TAFA1: variants seen among roughly 807,000 people sequenced by gnomAD.
TAFA1 encodes TAFA chemokine like family member 1.
Under a neutral mutation model 18.5 loss-of-function variants are expected in TAFA1, and 4 were observed. That is an observed-to-expected ratio of 0.22 (90% CI 0.11 to 0.49). The LOEUF (loss-of-function observed/expected upper bound fraction) is 0.49, where lower values mean the gene tolerates loss of function less well. TAFA1 is among the 20% of genes least tolerant of loss of function. TAFA1 has a pLI of 0.98. For missense variants in TAFA1, 147 were observed against 169.0 expected, an observed-to-expected ratio of 0.87 and a Z score of 0.72; for synonymous variants, 56 against 55.2, an observed-to-expected ratio of 1.01 and a Z score of -0.06.
chr3:68,424,288 G>C (rs1248338827), intron 3 of TAFA1, among the ~76,000 whole-genome samples: 1 of 151,872 alleles, frequency 6.6e-6, no homozygotes, highest in African/African-American at 2.4e-5. Flanking sequence ...CAGACAGTGA[G>C]AGAAAGAAAC....
intron 2 of TAFA1, among the ~76,000 whole-genome samples, chr3:68,236,536 G>A (rs2066929179): frequency 6.6e-6 from 1 of 152,154 alleles, no homozygotes; most frequent in African/African-American, 2.4e-5. Context: ...CTAATGAACT[G>A]AACCTATTCA....
At chr3:68,310,265 A>ACC (rs2068492287) in intron 2 of TAFA1, among the ~76,000 whole-genome samples, 3 of 152,180 alleles carry the variant, frequency 2.0e-5, no homozygotes, top group Non-Finnish European at 2.9e-5. Context: ...TGGAGATCTT[A>ACC]AGTAGTTTTT....
chr3:68,326,910 A>G (rs2068784939), intron 2 of TAFA1, among the ~76,000 whole-genome samples: 1 of 152,156 alleles, frequency 6.6e-6, no homozygotes, highest in Non-Finnish European at 1.5e-5. Flanking sequence ...TAGATTATAG[A>G]TTAGATTGCT....
At chr3:68,262,307 GTATATATATATATATA>G (rs763753757) in intron 2 of TAFA1, among the ~76,000 whole-genome samples, 359 of 32,236 alleles carry the variant, frequency 0.011, 6 homozygotes, top group East Asian at 0.034. Context: ...GATATGGAGG[GTATATATATATATATA>G]TATATATATA....
intron 3 of TAFA1, among the ~76,000 whole-genome samples, chr3:68,473,005 T>C (rs1175405806): frequency 6.6e-6 from 1 of 152,048 alleles, no homozygotes; most frequent in Non-Finnish European, 1.5e-5. Flanking sequence ...TTTTAGGAGA[T>C]TACTTTTAAG....
At chr3:68,012,444 G>A (rs1187743794) in intron 2 of TAFA1, among the ~76,000 whole-genome samples, 1 of 152,108 alleles carries the variant, frequency 6.6e-6, no homozygotes, top group Non-Finnish European at 1.5e-5. Context: ...ATCTACCCAC[G>A]AGGAAAAATG....
At chr3:67,994,192 G>C in the TAFA1 span, among the ~76,000 whole-genome samples, 3 of 152,076 alleles carry the variant, frequency 2.0e-5, no homozygotes, top group African/African-American at 7.2e-5. Context: ...AAAAATTAGG[G>C]TCATTACAAC....
At chr3:68,163,000 A>G (rs2065943805) in intron 2 of TAFA1, among the ~76,000 whole-genome samples, 1 of 152,206 alleles carries the variant, frequency 6.6e-6, no homozygotes, top group South Asian at 2.1e-4. Context: ...TTTTAAAACC[A>G]CTTTTAAATT....
intron 2 of TAFA1, among the ~76,000 whole-genome samples, chr3:68,374,978 T>C (rs942875873): frequency 5.3e-5 from 8 of 152,176 alleles, no homozygotes; most frequent in Non-Finnish European, 1.2e-4. Flanking sequence ...TCTCTCTCGG[T>C]GATGGCTTCG....
chr3:68,079,894 T>C (rs927029530), intron 2 of TAFA1, among the ~76,000 whole-genome samples: 4 of 152,050 alleles, frequency 2.6e-5, no homozygotes, highest in Non-Finnish European at 4.4e-5. Flanking sequence ...CGTTGATCTG[T>C]CTAATGTTGA....
chr3:68,343,473 C>T (rs1386336568), intron 2 of TAFA1, among the ~76,000 whole-genome samples: 1 of 152,160 alleles, frequency 6.6e-6, no homozygotes, highest in Non-Finnish European at 1.5e-5. Context: ...TGATAGTAGT[C>T]TCTTCAGACT....
At chr3:68,425,100 T>C (rs1258078422) in intron 3 of TAFA1, among the ~76,000 whole-genome samples, 1 of 152,004 alleles carries the variant, frequency 6.6e-6, no homozygotes. Context: ...CAACTGCAGC[T>C]TGGAAATCAT....
At chr3:68,405,356 A>G (rs1412644036) in intron 2 of TAFA1, among the ~76,000 whole-genome samples, 1 of 152,030 alleles carries the variant, frequency 6.6e-6, no homozygotes, top group East Asian at 1.9e-4. Flanking sequence ...AGGTAGGAGT[A>G]GACAAGTCAG....
intron 2 of TAFA1, among the ~76,000 whole-genome samples, chr3:68,160,109 G>T (rs979001298): frequency 6.6e-6 from 1 of 152,206 alleles, no homozygotes; most frequent in Non-Finnish European, 1.5e-5. Flanking sequence ...CTTCTGCAAG[G>T]TCAGTGGTAT....
At chr3:68,392,009 A>G (rs972611765) in intron 2 of TAFA1, among the ~76,000 whole-genome samples, 13 of 152,148 alleles carry the variant, frequency 8.5e-5, no homozygotes, top group African/African-American at 3.1e-4. Context: ...ACACATAACA[A>G]TACTAACCTT....
chr3:68,544,630 TCA>T lies in TAFA1; in HGVS notation c.*130_*131del. The T allele has an allele frequency of 1.1e-6, 1 of 934,292 alleles. No homozygotes were observed. 57.9% of individuals were successfully genotyped at this position (934,292 alleles called of 1,614,324 possible). A position where few individuals can be genotyped will look rare whatever the true frequency, so the allele number is the denominator to read the frequency against. ...TGCACTTTGACTGGCTACCAGATAA[TCA>T]CAGTGCGTTTACTGTGTGTAACGAA... On this transcript the variant is annotated 3_prime_UTR_variant, in exon 5 of 5. Transcript: ENST00000478136.
At chr3:68,470,630 T>C (rs184223847) in intron 3 of TAFA1, among the ~76,000 whole-genome samples, 151 of 152,312 alleles carry the variant, frequency 9.9e-4, no homozygotes, top group Middle Eastern at 6.8e-3. Flanking sequence ...CCCTAGAGAT[T>C]TGTGGAACTT....
intron 2 of TAFA1, among the ~76,000 whole-genome samples, chr3:68,164,662 G>GTGTGTGTGT (rs1461518869): frequency 3.9e-3 from 188 of 47,746 alleles, no homozygotes; most frequent in Non-Finnish European, 8.0e-3. Flanking sequence ...TGTGTGTGTG[G>GTGTGTGTGT]GAGGTAGTTA....
intron 2 of TAFA1, among the ~76,000 whole-genome samples, chr3:68,384,368 T>C (rs925779460): frequency 6.6e-6 from 1 of 152,128 alleles, no homozygotes; most frequent in East Asian, 1.9e-4. Context: ...TTGCATGTTG[T>C]ATGTTTGTTC....
Sources: allele counts gnomAD v4.1 joint callset (sites outside exome capture counted in the v4.1 genomes callset), GRCh38; gene constraint gnomAD v4.1.1; transcripts MANE v1.5; gene names NCBI Gene and HGNC (gene_info 2026-07-23, HGNC 2026-07-21).